The following CD163 variants were observed in gnomAD, a reference collection of about 807,000 sequenced individuals.
CD163 encodes the protein CD163 molecule, also known as scavenger receptor cysteine-rich type 1 protein M130.
Under a neutral mutation model 129.2 loss-of-function variants are expected in CD163, and 64 were observed. The observed-to-expected ratio is 0.50, with a 90% CI of 0.41 to 0.61. The LOEUF is 0.61. Among genes scored for constraint, CD163 ranks in the 20% least tolerant of loss-of-function variants. The pLI is 0.00. For missense variants in CD163, 1,061 were observed against 1,377.9 expected, an observed-to-expected ratio of 0.77 and a Z score of 3.64; for synonymous variants, 446 against 478.5, an observed-to-expected ratio of 0.93 and a Z score of 0.89.
At chr12:7,499,646 C>G (rs908795446) in intron 3 of CD163, among the ~76,000 whole-genome samples, 2 of 152,080 alleles carry the variant, frequency 1.3e-5, no homozygotes, top group Non-Finnish European at 2.9e-5. Context: ...ACAGCCAGTT[C>G]TATACACAGC....
chr12:7,480,794 T>C (rs888848198), intron 15 of CD163: 25 of 798,446 alleles, frequency 3.1e-5, no homozygotes, highest in Non-Finnish European at 3.8e-5. Context: ...TAAAATCATG[T>C]TGTATACCTT....
At chr12:7,494,030 C>T (rs1378583674) in intron 6 of CD163, among the ~76,000 whole-genome samples, 1 of 152,052 alleles carries the variant, frequency 6.6e-6, no homozygotes, top group Non-Finnish European at 1.5e-5. Context: ...AGGTACAAAA[C>T]AATTTATACA....
Position 7,482,682 on chromosome 12 carries a change from A to G in CD163, c.3208T>C (p.Phe1070Leu). 6.2e-7 allele frequency: 1 copy of G among 1,614,202 alleles called. No homozygotes were observed. Among genetic ancestry groups the G allele is most frequent in the Non-Finnish European group, 8.5e-7 (1 of 1,180,014 alleles). The part of the protein sequence containing the change: ...VLLAIFVALF[F>L]LTKKRRQRQR... ...CTCTGTCTTCGCTTTTTAGTCAAGA[A>G]GAATAATGCGACGAAAATGGCCAAC... The change falls in exon 14 of 17, where the codon TTC becomes CTC. Residue 1070 changes from phenylalanine (F) to leucine (L), a missense_variant. Transcript: ENST00000432237.
chr12:7,501,430 C>T lies in CD163; in HGVS notation c.166G>A (p.Gly56Ser), dbSNP rs774902894. The T allele has an allele frequency of 6.8e-6, 11 of 1,613,842 alleles. No individual in the cohort carries two copies. In the Admixed American group the frequency reaches 8.3e-5, roughly 12 times the overall value. ...ACTCTCCCGCTACACTTGTTTTCAC[C>T]ATCCACTAGCCTCAGCTCCTTGTCT... ...GTDKELRLVD[G>S]ENKCSGRVEV... Residue 56 changes from glycine (G) to serine (S), a missense_variant, in exon 3 of 17, where the codon GGT becomes AGT. Coordinates refer to ENST00000432237, the MANE Select transcript of CD163 (RefSeq NM_203416.4).
intron 15 of CD163, 125 bp downstream of exon 15, chr12:7,481,036 T>G: frequency 1.4e-6 from 2 of 1,427,038 alleles, no homozygotes; most frequent in Non-Finnish European, 1.8e-6. Flanking sequence ...GTCCATTATA[T>G]GCATCTAAGC....
In CD163 at chr12:7,500,589, T is replaced by C. The variant is rs139060430; in HGVS notation, c.457+550A>G. On this transcript the variant is annotated intron_variant, in intron 3 of 16. Coordinates refer to ENST00000432237, the MANE Select transcript of CD163 (RefSeq NM_203416.4). ...TGCAATAAAACATATGGAGATGTTTTGTAAATTAAAAGCACAATGTAAATG... is the reference window on the plus strand; with the variant it reads ...TGCAATAAAACATATGGAGATGTTTCGTAAATTAAAAGCACAATGTAAATG... Among the ~76,000 whole-genome samples the C allele has an allele frequency of 1.8e-4, 28 of 152,270 alleles. No individual in the cohort carries two copies. In the East Asian group the frequency reaches 4.6e-3, roughly 25 times the overall value.
At chr12:7,474,473 A>G (rs1166451447) in intron 16 of CD163, among the ~76,000 whole-genome samples, 1 of 152,214 alleles carries the variant, frequency 6.6e-6, no homozygotes, top group Admixed American at 6.5e-5. Context: ...CTCCAGAATG[A>G]CTACTGAATA....
chr12:7,484,195 C>T (rs1422423057), intron 11 of CD163, among the ~76,000 whole-genome samples: 1 of 151,864 alleles, frequency 6.6e-6, no homozygotes, highest in Non-Finnish European at 1.5e-5. Context: ...TTACAGCCAA[C>T]TAGGTATATT....
chr12:7,483,489 C>A lies in CD163; in HGVS notation c.2966G>T (p.Gly989Val). The A allele has an allele frequency of 6.2e-7, 1 of 1,614,040 alleles. No individual in the cohort carries two copies. The highest frequency in any genetic ancestry group is 8.5e-7 in the Non-Finnish European group (1 of 1,179,974). Residue 989 changes from glycine to valine, a missense_variant, in exon 12 of 17, where the codon GGA (glycine) becomes GTA (valine). Transcript: ENST00000432237. ...FKEAEFGQGT[G>V]PIWLNEVKCK... is the part of the protein sequence containing the mutation. The stretch of plus-strand genomic sequence containing the variant: ...CTTCACTTCATTGAGCCATATCGGT[C>A]CAGTCCCCTGACCAAACTCTGCTTC...
intron 16 of CD163, among the ~76,000 whole-genome samples, chr12:7,474,291 C>T (rs1949053863): frequency 6.6e-6 from 1 of 152,180 alleles, no homozygotes; most frequent in South Asian, 2.1e-4. Flanking sequence ...TTCTCAGCAC[C>T]ACATAGCACT....
chr12:7,473,890 C>G lies in CD163; in HGVS notation c.*32-2493G>C, dbSNP rs1336265064. Among the ~76,000 whole-genome samples the G allele has an allele frequency of 4.6e-5, 7 of 151,464 alleles. No homozygotes were observed. In the East Asian group the frequency reaches 1.2e-3, roughly 25 times the overall value. ...AAAGGATGGAGGAAAACATAACAAG[C>G]AAATGGAAAACAAAAAAAAGAAAAC... On this transcript the variant is annotated intron_variant, in intron 16 of 16. Coordinates refer to ENST00000432237, the MANE Select transcript of CD163 (RefSeq NM_203416.4).
intron 15 of CD163, chr12:7,480,168 A>G: frequency 3.5e-6 from 2 of 568,618 alleles, no homozygotes; most frequent in South Asian, 4.5e-5. Flanking sequence ...ACACAGTAAC[A>G]GTACATGTTC....
chr12:7,483,091 C>A, intron 12 of CD163, 87 bp from the exon 13 acceptor site: 1 of 1,293,150 alleles, frequency 7.7e-7, no homozygotes. Flanking sequence ...CCCCTTAGTA[C>A]CTCTCAACCA....
At chr12:7,473,458 C>A (rs1949036058) in intron 16 of CD163, among the ~76,000 whole-genome samples, 1 of 152,176 alleles carries the variant, frequency 6.6e-6, no homozygotes, top group South Asian at 2.1e-4. Context: ...CCCAGAATTT[C>A]ATATTCAGCC....
chr12:7,501,359 GCCATTATTACACAC>G lies in CD163; in HGVS notation c.223_236del (p.Val75LeufsTer11). On this transcript the variant is annotated frameshift_variant, in exon 3 of 17. Coordinates refer to ENST00000432237, the MANE Select transcript of CD163 (RefSeq NM_203416.4). LOFTEE classifies it high-confidence loss of function. ...TCACAGAGACCGCTTCCATGCTCCA[GCCATTATTACACAC>G]CGTTCCCCACTCCTCCTGGACTTTC... 1.2e-6 allele frequency: 2 copies of G among 1,614,040 alleles called. No homozygotes were observed.
rs370456843 is a variant in CD163 at position 7,487,969 on chromosome 12, G to C, written c.1539C>G (p.Ser513Arg). The C allele has an allele frequency of 6.2e-7, 1 of 1,614,124 alleles. No individual in the cohort carries two copies. The highest frequency in any genetic ancestry group is 1.7e-5 in the Admixed American group (1 of 60,016). The change falls in exon 7 of 17, where the codon AGC becomes AGG. Residue 513 changes from serine to arginine, a missense_variant. Physicochemically the swap from Ser to Arg is moderately radical, Grantham distance 110. Coordinates refer to ENST00000432237, the MANE Select transcript of CD163 (RefSeq NM_203416.4). The surrounding 1 kb of genome is among the most constrained non-coding windows in gnomAD (Gnocchi z 5.1). ...CDSDFSLEAASVLCRELQCGT... is the reference protein window; with the variant it reads ...CDSDFSLEAARVLCRELQCGT... The stretch of plus-strand genomic sequence containing the variant: ...CACACTGTAATTCCCTGCATAGAAC[G>C]CTGGCAGCTTCCAGAGAGAAGTCCG...
intron 6 of CD163, among the ~76,000 whole-genome samples, chr12:7,489,451 G>T (rs1949299125): frequency 6.6e-6 from 1 of 151,946 alleles, no homozygotes; most frequent in Non-Finnish European, 1.5e-5. Context: ...TGTATGCAAT[G>T]ATCCCTTACA....
In CD163 at chr12:7,482,050, A is replaced by G. The variant is rs146335634; in HGVS notation, c.3247+593T>C. 7.3e-3 allele frequency among the ~76,000 whole-genome samples: 1,113 copies of G among 152,142 alleles called. 12 individuals are homozygous for G. The highest frequency in any genetic ancestry group is 0.026 in the African/African-American group (1,064 of 41,500). On this transcript the variant is annotated intron_variant, in intron 14 of 16. Transcript: ENST00000432237. ...TGTTCCTTTTTCCTATTAATGTAAA[A>G]TGGCTACATTGTAGTGTATTTGTTT...
rs1021361822 is a variant in CD163 at position 7,496,269 on chromosome 12, T to C, written c.1099+544A>G. On this transcript the variant is annotated intron_variant, in intron 5 of 16. Coordinates refer to ENST00000432237, the MANE Select transcript of CD163 (RefSeq NM_203416.4). This position sits in a 1 kb window ranked among gnomAD's most constrained non-coding sequence, Gnocchi z 4.8. ...GCATGTTCTCACTCATAACTGGGAGTTGAACAATGAGAACACACGGACACA... is the reference window on the plus strand; with the variant it reads ...GCATGTTCTCACTCATAACTGGGAGCTGAACAATGAGAACACACGGACACA... 6.6e-6 allele frequency among the ~76,000 whole-genome samples: 1 copy of C among 150,398 alleles called. No homozygotes were observed. Among genetic ancestry groups the C allele is most frequent in the African/African-American group, 2.5e-5 (1 of 40,770 alleles).
Sources: allele counts gnomAD v4.1 joint callset (sites outside exome capture counted in the v4.1 genomes callset), GRCh38; gene constraint gnomAD v4.1.1; non-coding constraint Gnocchi (gnomAD v3.1); transcripts MANE v1.5; gene names NCBI Gene and HGNC (gene_info 2026-07-23, HGNC 2026-07-21).